GLIS3: variants seen among roughly 807,000 people sequenced by gnomAD.
GLIS3 encodes zinc finger protein GLIS3.
GLIS3 carries 53 observed loss-of-function variants against 78.6 expected under a neutral mutation model. The ratio of observed to expected loss-of-function variants is 0.67; its 90% CI spans 0.54 to 0.85. The LOEUF (loss-of-function observed/expected upper bound fraction) is 0.85, where lower values mean the gene tolerates loss of function less well. Among genes scored for constraint, GLIS3 ranks in the 40% least tolerant of loss-of-function variants. The probability of loss-of-function intolerance (pLI) is 0.00; values close to 1 mark genes in which losing one functional copy is unlikely to be tolerated. For synonymous variants in GLIS3, 684 were observed against 509.9 expected (o/e 1.34, Z -4.60); for missense variants, 1,703 against 1,231.1 (o/e 1.38, Z -5.74).
the GLIS3 span, among the ~76,000 whole-genome samples, chr9:4,469,433 T>G: frequency 4.6e-5 from 7 of 152,148 alleles, no homozygotes; most frequent in Admixed American, 3.3e-4. Flanking sequence ...TATAACAAAC[T>G]GTCTCTCAGA....
At chr9:4,091,216 A>G (rs1829470807) in intron 4 of GLIS3, among the ~76,000 whole-genome samples, 1 of 152,004 alleles carries the variant, frequency 6.6e-6, no homozygotes, top group African/African-American at 2.4e-5. Context: ...AAATGTTAAA[A>G]ATTAGCCAGA....
chr9:4,455,446 T>C, the GLIS3 span, among the ~76,000 whole-genome samples: 6 of 151,986 alleles, frequency 3.9e-5, no homozygotes, highest in Non-Finnish European at 8.8e-5. Flanking sequence ...TCTTGTATAG[T>C]AAAAAGAGCC....
At chr9:4,339,203 C>A (rs972052289) in intron 2 of GLIS3, among the ~76,000 whole-genome samples, 1 of 152,176 alleles carries the variant, frequency 6.6e-6, no homozygotes, top group Non-Finnish European at 1.5e-5. Context: ...GTGTAAGTCA[C>A]ATGAAGCCAG....
At chr9:4,429,367 C>G in the GLIS3 span, among the ~76,000 whole-genome samples, 1 of 152,020 alleles carries the variant, frequency 6.6e-6, no homozygotes, top group Non-Finnish European at 1.5e-5. Flanking sequence ...CGGATTTCTT[C>G]TAGTGCCTTG....
chr9:3,989,347 A>T (rs1820032257), intron 4 of GLIS3, among the ~76,000 whole-genome samples: 1 of 152,224 alleles, frequency 6.6e-6, no homozygotes, highest in African/African-American at 2.4e-5. Flanking sequence ...TTCTTATAAA[A>T]CTAATCATAA....
At chr9:3,988,992 T>A (rs1309217802) in intron 4 of GLIS3, among the ~76,000 whole-genome samples, 2 of 152,030 alleles carry the variant, frequency 1.3e-5, no homozygotes, top group African/African-American at 2.4e-5. Context: ...GGGAAAACAT[T>A]TGCAAACCAC....
the GLIS3 span, among the ~76,000 whole-genome samples, chr9:4,445,516 C>G: frequency 6.6e-6 from 1 of 152,104 alleles, no homozygotes; most frequent in African/African-American, 2.4e-5. Flanking sequence ...TGCCTGTAGT[C>G]CCAGCTACTT....
At chr9:4,175,441 T>C (rs1180612137) in intron 2 of GLIS3, among the ~76,000 whole-genome samples, 2 of 152,148 alleles carry the variant, frequency 1.3e-5, no homozygotes, top group African/African-American at 4.8e-5. Context: ...CTCCTAGTCA[T>C]GAATACATAA....
chr9:3,841,068 G>GA (rs764970376), intron 9 of GLIS3, among the ~76,000 whole-genome samples: 8 of 152,152 alleles, frequency 5.3e-5, no homozygotes, highest in African/African-American at 1.7e-4. Context: ...AAATAGGGGG[G>GA]AAAAAACCGA....
chr9:4,089,820 A>G (rs768306904), intron 4 of GLIS3, among the ~76,000 whole-genome samples: 13 of 152,160 alleles, frequency 8.5e-5, no homozygotes, highest in Non-Finnish European at 1.5e-4. Context: ...CCTGACAAAA[A>G]CAACAACAAA....
chr9:4,451,004 A>T, the GLIS3 span, among the ~76,000 whole-genome samples: 1 of 152,196 alleles, frequency 6.6e-6, no homozygotes, highest in Admixed American at 6.5e-5. Context: ...AACAATACTA[A>T]CCTTAAATGT....
intron 2 of GLIS3, among the ~76,000 whole-genome samples, chr9:4,194,610 G>C (rs1353135565): frequency 6.6e-6 from 1 of 152,138 alleles, no homozygotes; most frequent in African/African-American, 2.4e-5. Context: ...GCAAATGGAA[G>C]CCCAGCAGAA....
chr9:4,061,923 A>G (rs1430048181), intron 4 of GLIS3, among the ~76,000 whole-genome samples: 1 of 152,196 alleles, frequency 6.6e-6, no homozygotes, highest in African/African-American at 2.4e-5. Context: ...TCTGCCTAGG[A>G]GATCTGAGCT....
chr9:4,125,741 C>G lies in GLIS3; in HGVS notation c.589G>C (p.Asp197His), dbSNP rs1832525281. The G allele has an allele frequency of 1.2e-6, 2 of 1,613,048 alleles. No homozygotes were observed. Among genetic ancestry groups the G allele is most frequent in the Non-Finnish European group, 1.7e-6 (2 of 1,179,544 alleles). The change falls in exon 3 of 11, where the codon GAT becomes CAT. Residue 197 changes from aspartate (D) to histidine (H), a missense_variant. Transcript: ENST00000381971. ...NAANLNIPPSDTRSLISRESL... is the reference protein window; with the variant it reads ...NAANLNIPPSHTRSLISRESL... Reference sequence around the variant, plus strand: ...AAAAAGTTAACTTGAGACCTGGTATCTGAAGGAGGTATATTCAGGTTGGCT... The same window carrying G: ...AAAAAGTTAACTTGAGACCTGGTATGTGAAGGAGGTATATTCAGGTTGGCT...
chr9:4,232,421 G>C (rs974614015), intron 2 of GLIS3, among the ~76,000 whole-genome samples: 2 of 142,580 alleles, frequency 1.4e-5, no homozygotes, highest in African/African-American at 2.6e-5. Context: ...AAAAAAGAAA[G>C]AAACAAAGAA....
At chr9:4,369,136 T>G in the GLIS3 span, among the ~76,000 whole-genome samples, 1 of 152,302 alleles carries the variant, frequency 6.6e-6, no homozygotes, top group East Asian at 1.9e-4. Context: ...TTGGAATTTT[T>G]GCACATTATT....
chr9:4,345,929 T>C (rs1273010631), intron 2 of GLIS3, among the ~76,000 whole-genome samples: 3 of 152,032 alleles, frequency 2.0e-5, no homozygotes, highest in Admixed American at 6.6e-5. Flanking sequence ...AAAAATGAAA[T>C]TAAATTCAAA....
At position 4,025,037 on chromosome 9, in the gene GLIS3, G is replaced by C. The variant is rs115688584; in HGVS notation, c.1711-87848C>G. ...GCCGAAGCGGGCAGATCACCTTGAGGTCAGGAGTTCGAGACCAGCCTGGTC... is the reference window on the plus strand; with the variant it reads ...GCCGAAGCGGGCAGATCACCTTGAGCTCAGGAGTTCGAGACCAGCCTGGTC... On this transcript the variant is annotated intron_variant, in intron 4 of 10. Coordinates refer to ENST00000381971, the MANE Select transcript of GLIS3 (RefSeq NM_001042413.2). 3.5e-3 allele frequency among the ~76,000 whole-genome samples: 536 copies of C among 152,166 alleles called. 4 individuals carry two copies. The highest frequency in any genetic ancestry group is 0.012 in the African/African-American group (507 of 41,536).
At chr9:4,050,379 C>T (rs4578001) in intron 4 of GLIS3, among the ~76,000 whole-genome samples, 92,291 of 151,754 alleles carry the variant, frequency 0.61, 28,548 homozygotes, top group East Asian at 0.95. Flanking sequence ...TTCTCACTCA[C>T]AGGTGGGAAT....
Sources: gnomAD v4.1 joint callset for allele counts (sites outside exome capture counted in the v4.1 genomes callset) on GRCh38, gnomAD v4.1.1 for gene constraint, MANE v1.5 for transcripts, NCBI Gene and HGNC (gene_info 2026-07-23, HGNC 2026-07-21) for gene names.